ASAP1: variants seen among roughly 807,000 people sequenced by gnomAD.
The protein encoded by ASAP1 is arf-GAP with SH3 domain, ANK repeat and PH domain-containing protein 1.
ASAP1 carries 43 observed loss-of-function variants against 145.2 expected under a neutral mutation model. The ratio of observed to expected loss-of-function variants is 0.30; its 90% confidence interval spans 0.23 to 0.38. The LOEUF is 0.38. Among genes scored for constraint, ASAP1 ranks in the 10% least tolerant of loss-of-function variants. The probability of loss-of-function intolerance (pLI) is 1.00; values close to 1 mark genes in which losing one functional copy is unlikely to be tolerated. For missense variants in ASAP1, 1,018 were observed against 1,355.3 expected (o/e 0.75, Z 3.91); for synonymous variants, 546 against 515.5 (o/e 1.06, Z -0.80).
At chr8:130,079,871 A>C in intron 26 of ASAP1, 31 bp downstream of exon 26, 1 of 1,600,732 alleles carries the variant, frequency 6.2e-7, no homozygotes, top group Non-Finnish European at 8.6e-7. Flanking sequence ...AATGGATCCA[A>C]CAGGGGAAAT....
chr8:130,091,158 T>TGAATATTC (rs1182130567), intron 25 of ASAP1, among the ~76,000 whole-genome samples: 1 of 152,226 alleles, frequency 6.6e-6, no homozygotes, highest in Admixed American at 6.5e-5. Context: ...AAGTGATTCC[T>TGAATATTC]GAATATTCAC....
chr8:130,404,784 C>A (rs1032292453), intron 1 of ASAP1, among the ~76,000 whole-genome samples: 2 of 152,194 alleles, frequency 1.3e-5, no homozygotes, highest in African/African-American at 4.8e-5. Flanking sequence ...TGGACTGGAT[C>A]ACTGACTTGC....
rs146907595 is a variant in ASAP1 at position 130,054,920 on chromosome 8, G to A, written c.3316-115C>T. The A allele has an allele frequency of 1.2e-4, 96 of 798,600 alleles. No individual in the cohort carries two copies. The African/African-American group carries it at 1.6e-3, about 13-fold the overall frequency. The allele number at this position is 798,600 out of a possible 1,614,324, so 49.5% of individuals were successfully genotyped here. On this transcript the variant is annotated intron_variant, in intron 29 of 29. Transcript: ENST00000518721. ...CCACAGACCTGGCGGTGGAATCCCA[G>A]GCTTACCCTTCTTCCCACCCTTTAG...
At chr8:130,070,048 T>C (rs1195092522) in intron 27 of ASAP1, among the ~76,000 whole-genome samples, 1 of 152,132 alleles carries the variant, frequency 6.6e-6, no homozygotes, top group Non-Finnish European at 1.5e-5. Context: ...TCTTTTTTTT[T>C]GTTTTTGAGA....
At chr8:130,162,628 C>G (rs1454446508) in intron 11 of ASAP1, among the ~76,000 whole-genome samples, 1 of 151,952 alleles carries the variant, frequency 6.6e-6, no homozygotes, top group East Asian at 1.9e-4. Context: ...ACCATCCTGG[C>G]TAACACGGTG....
chr8:130,117,040 A>T (rs752270982), intron 20 of ASAP1, 45 bp from the exon 21 acceptor site: 50 of 1,397,796 alleles, frequency 3.6e-5, no homozygotes, highest in Non-Finnish European at 5.0e-5. Context: ...TTACTTTATA[A>T]CTTAAAACTA....
chr8:130,424,635 T>C (rs944105392), intron 1 of ASAP1, among the ~76,000 whole-genome samples: 1 of 152,192 alleles, frequency 6.6e-6, no homozygotes, highest in Non-Finnish European at 1.5e-5. Context: ...TTCATTCATT[T>C]AAAAGAGCAC....
chr8:130,371,511 G>A (rs1169297696), intron 2 of ASAP1, among the ~76,000 whole-genome samples: 1 of 152,226 alleles, frequency 6.6e-6, no homozygotes, highest in Non-Finnish European at 1.5e-5. Flanking sequence ...TTACAGCTAA[G>A]GTGGCTATAT....
At chr8:130,272,264 G>T (rs2137083632) in intron 3 of ASAP1, among the ~76,000 whole-genome samples, 1 of 152,186 alleles carries the variant, frequency 6.6e-6, no homozygotes, top group East Asian at 1.9e-4. Flanking sequence ...TCAGGAAAAT[G>T]CAATTTAAAA....
At chr8:130,175,172 C>T (rs1011181704) in intron 9 of ASAP1, among the ~76,000 whole-genome samples, 4 of 152,140 alleles carry the variant, frequency 2.6e-5, no homozygotes, top group South Asian at 4.1e-4. Flanking sequence ...TACTTAACAC[C>T]GACTAATGAT....
At chr8:130,180,950 C>G in intron 7 of ASAP1, 70 bp from the exon 8 acceptor site, 1 of 1,388,166 alleles carries the variant, frequency 7.2e-7, no homozygotes, top group South Asian at 1.3e-5. Context: ...ACAGCAGATC[C>G]TAATACAAAC....
At chr8:130,426,785 C>T (rs1315899341) in intron 1 of ASAP1, among the ~76,000 whole-genome samples, 2 of 152,164 alleles carry the variant, frequency 1.3e-5, no homozygotes, top group Non-Finnish European at 2.9e-5. Flanking sequence ...TTTAACAATG[C>T]ACACCCTCCC....
At chr8:130,354,329 A>G (rs963607697) in intron 3 of ASAP1, among the ~76,000 whole-genome samples, 2 of 152,216 alleles carry the variant, frequency 1.3e-5, no homozygotes, top group African/African-American at 4.8e-5. Context: ...CTCATATGAG[A>G]GGTAAATGTA....
At position 130,052,735 on chromosome 8, in the gene ASAP1, G is replaced by GTTTTTTTTTTTT. The variant is rs5895032; in HGVS notation, c.*1984_*1995dup. On this transcript the variant is annotated 3_prime_UTR_variant, in exon 30 of 30. Transcript: ENST00000518721. Reference sequence around the variant, plus strand: ...GCTTTTGTGTTTTTTTTTTGTTTTTGTTTTTTTTTTTTTTTTGAAAAAAAC... The same window carrying GTTTTTTTTTTTT: ...GCTTTTGTGTTTTTTTTTTGTTTTTGTTTTTTTTTTTTTTTTTTTTTTTTTTTTGAAAAAAAC... The GTTTTTTTTTTTT allele has an allele frequency of 8.2e-6, 1 of 122,144 alleles. No homozygotes were observed. The highest frequency in any genetic ancestry group is 1.7e-5 in the Non-Finnish European group (1 of 58,482). 7.6% of individuals were successfully genotyped at this position (122,144 alleles called of 1,614,324 possible).
chr8:130,223,735 A>T (rs149162973), intron 4 of ASAP1, among the ~76,000 whole-genome samples: 54 of 151,896 alleles, frequency 3.6e-4, no homozygotes, highest in African/African-American at 1.3e-3. Context: ...ACCATCCCAC[A>T]CTCCAGAGTC....
chr8:130,115,261 C>CA (rs1444584761), intron 23 of ASAP1, among the ~76,000 whole-genome samples: 1 of 152,202 alleles, frequency 6.6e-6, no homozygotes, highest in Admixed American at 6.5e-5. Flanking sequence ...TGAGGTCCCC[C>CA]AAAGGGTAAG....
intron 3 of ASAP1, among the ~76,000 whole-genome samples, chr8:130,329,106 C>T (rs1244003903): frequency 2.0e-5 from 3 of 152,206 alleles, no homozygotes; most frequent in East Asian, 1.9e-4. Flanking sequence ...CTTCCTCACA[C>T]TGGATTTAAC....
At chr8:130,370,627 A>G (rs1163522727) in intron 2 of ASAP1, among the ~76,000 whole-genome samples, 1 of 152,264 alleles carries the variant, frequency 6.6e-6, no homozygotes, top group African/African-American at 2.4e-5. Context: ...CATTCTTAAC[A>G]TTCAAAAAAA....
intron 3 of ASAP1, among the ~76,000 whole-genome samples, chr8:130,351,006 G>A (rs1825963038): frequency 6.6e-6 from 1 of 152,232 alleles, no homozygotes; most frequent in South Asian, 2.1e-4. Flanking sequence ...AGGATTGCTT[G>A]CAGCACTGTC....
Sources: gnomAD v4.1 joint callset for allele counts (sites outside exome capture counted in the v4.1 genomes callset) on GRCh38, gnomAD v4.1.1 for gene constraint, MANE v1.5 for transcripts, NCBI Gene and HGNC (gene_info 2026-07-23, HGNC 2026-07-21) for gene names.